Variants in ZFAT observed in about 807,000 individuals in gnomAD.
ZFAT encodes the protein zinc finger and AT-hook domain containing.
A neutral mutation model predicts 117.7 loss-of-function variants in ZFAT; 64 were observed. The ratio of observed to expected loss-of-function variants is 0.54; its 90% CI spans 0.44 to 0.67. The LOEUF is 0.67. Ranked by LOEUF, ZFAT falls within the 30% of genes least tolerant of loss-of-function variation. The pLI, the probability that ZFAT is intolerant of heterozygous loss-of-function variation, is 0.00. For synonymous variants in ZFAT, 679 were observed against 615.0 expected (o/e 1.10, Z -1.54); for missense variants, 1,433 against 1,584.5 (o/e 0.90, Z 1.62).
In ZFAT at chr8:134,478,341, G is replaced by A. The variant is rs1043358819; in HGVS notation, c.*141C>T. On this transcript the variant is annotated 3_prime_UTR_variant, in exon 16 of 16. Coordinates refer to ENST00000377838, the MANE Select transcript of ZFAT (RefSeq NM_020863.4). This position sits in a 1 kb window ranked among gnomAD's most constrained non-coding sequence, Gnocchi z 5.2. The stretch of plus-strand genomic sequence containing the variant: ...CCTTGCCCACCCCAAGTTGGACTAG[G>A]AGAGTCCTATCAGGCTGCTGGGCAG... 4 of 1,310,450 alleles carry A rather than the reference G, an allele frequency of 3.1e-6. 1 individual carries two copies. The highest frequency in any genetic ancestry group is 2.7e-4 in the Middle Eastern group (1 of 3,678). The allele number at this position is 1,310,450 out of a possible 1,614,324, so 81.2% of individuals were successfully genotyped here.
intron 7 of ZFAT, chr8:134,597,463 T>A (rs906900767): frequency 6.6e-6 from 1 of 152,246 alleles, no homozygotes. Flanking sequence ...CTGGCCCAAA[T>A]CTACTCATAA....
intron 13 of ZFAT, among the ~76,000 whole-genome samples, chr8:134,514,872 C>T (rs1184897609): frequency 6.6e-6 from 1 of 152,138 alleles, no homozygotes; most frequent in Admixed American, 6.5e-5. Flanking sequence ...AGGTTTGTTA[C>T]ATAAGTATAC....
chr8:134,831,920 G>C, the ZFAT span, among the ~76,000 whole-genome samples: 2 of 151,916 alleles, frequency 1.3e-5, no homozygotes. Flanking sequence ...GGGTCAGGCG[G>C]GGGGCTGAGC....
At chr8:134,485,333 A>G (rs7828867) in intron 15 of ZFAT, among the ~76,000 whole-genome samples, 74,097 of 151,990 alleles carry the variant, frequency 0.49, 18,468 homozygotes, top group Non-Finnish European at 0.52. Context: ...GGTCCACACA[A>G]TCTTCTTGAT....
Position 134,526,983 on chromosome 8 carries a change from A to C in ZFAT, c.3115+5851T>G, listed in dbSNP as rs113732960. 4.1e-3 allele frequency among the ~76,000 whole-genome samples: 618 copies of C among 152,222 alleles called. 4 individuals carry two copies. The highest frequency in any genetic ancestry group is 5.4e-3 in the Non-Finnish European group (364 of 68,010). ...AGAACATGTGAACATGTTACCTTAC[A>C]TGGCAAAAACGATGTGATTCAGTTC... is the stretch of plus-strand genomic sequence containing the variant. On this transcript the variant is annotated intron_variant, in intron 12 of 15. Coordinates refer to ENST00000377838, the MANE Select transcript of ZFAT (RefSeq NM_020863.4).
chr8:134,696,402 A>T (rs932998566), intron 1 of ZFAT: 2 of 985,472 alleles, frequency 2.0e-6, no homozygotes, highest in Non-Finnish European at 2.4e-6. Flanking sequence ...AGGAAAGTTC[A>T]GAGTGGAAAC....
chr8:134,522,091 C>T (rs1054037313), intron 12 of ZFAT, among the ~76,000 whole-genome samples: 10 of 152,254 alleles, frequency 6.6e-5, no homozygotes, highest in African/African-American at 2.2e-4. Context: ...TGCCAGAGAG[C>T]GTGTTCTTTC....
At chr8:134,777,360 A>G in the ZFAT span, among the ~76,000 whole-genome samples, 2 of 152,178 alleles carry the variant, frequency 1.3e-5, no homozygotes, top group East Asian at 3.9e-4. Context: ...TTCCTGTAAC[A>G]TACTTGACTC....
rs1554615159 is a variant in ZFAT, at chr8:134,653,270, T to TTAAAAAAAAAA, written c.196+4290_196+4291insTTTTTTTTTTA. On this transcript the variant is annotated intron_variant, in intron 2 of 15. Coordinates refer to ENST00000377838, the MANE Select transcript of ZFAT (RefSeq NM_020863.4). Reference sequence around the variant, plus strand: ...TTGGAACCAACCCAAATGTCTTTTTTAAAAAAAAAAAAAAAAAAAAACAAA... The same window carrying TTAAAAAAAAAA: ...TTGGAACCAACCCAAATGTCTTTTTTTAAAAAAAAAAAAAAAAAAAAAAAAAAAAAAACAAA... 2.2e-4 allele frequency among the ~76,000 whole-genome samples: 20 copies of TTAAAAAAAAAA among 91,882 alleles called. 1 individual carries two copies. Among genetic ancestry groups the TTAAAAAAAAAA allele is most frequent in the Non-Finnish European group, 3.6e-4 (17 of 47,874 alleles). The allele number at this position is 91,882 out of a possible 152,430, so 60.3% of individuals were successfully genotyped here.
rs535186645 is a variant in ZFAT at position 134,602,741 on chromosome 8, G to A, written c.978C>T (p.Phe326=). ...VHLRKHTGEK[F]ACDYCSFTCL... ...AGGTGAACGAGCAATAGTCGCAGGC[G>A]AACTTCTCTCCAGTGTGCTTGCGCA... Residue 326 remains phenylalanine, a synonymous_variant, in exon 6 of 16, where the codon TTC becomes TTT. Coordinates refer to ENST00000377838, the MANE Select transcript of ZFAT (RefSeq NM_020863.4). 2.3e-5 allele frequency: 37 copies of A among 1,613,746 alleles called. No individual in the cohort carries two copies. The South Asian group carries it at 2.5e-4, about 11-fold the overall frequency.
intron 1 of ZFAT, among the ~76,000 whole-genome samples, chr8:134,658,018 T>C (rs1004008586): frequency 2.0e-5 from 3 of 152,212 alleles, no homozygotes; most frequent in Non-Finnish European, 4.4e-5. Flanking sequence ...TCAGCCCAGA[T>C]TCTGGGATAA....
intron 9 of ZFAT, among the ~76,000 whole-genome samples, chr8:134,586,507 G>C (rs1411118978): frequency 6.6e-6 from 1 of 152,196 alleles, no homozygotes; most frequent in Non-Finnish European, 1.5e-5. Context: ...CTTCTCATGT[G>C]AGTACAATTA....
chr8:134,539,354 T>C (rs7816909), intron 11 of ZFAT, among the ~76,000 whole-genome samples: 1 of 152,114 alleles, frequency 6.6e-6, no homozygotes, highest in Non-Finnish European at 1.5e-5. Flanking sequence ...CATCAGGTAA[T>C]GTTTTTGCAG....
intron 11 of ZFAT, among the ~76,000 whole-genome samples, chr8:134,547,909 CAT>C (rs946777127): frequency 3.3e-5 from 5 of 152,152 alleles, no homozygotes; most frequent in African/African-American, 1.2e-4. Context: ...AGCACTTACA[CAT>C]GTTTTATCTT....
chr8:134,608,775 A>G lies in ZFAT; in HGVS notation c.739T>C (p.Tyr247His), dbSNP rs773246438. 6.2e-7 allele frequency: 1 copy of G among 1,610,888 alleles called. No individual in the cohort carries two copies. The highest frequency in any genetic ancestry group is 1.1e-5 in the South Asian group (1 of 90,266). The change falls in exon 5 of 16, where the codon TAC becomes CAC. Residue 247 changes from tyrosine (Y) to histidine (H), a missense_variant. Around this residue, in one of 5 missense-constraint regions of ZFAT, gnomAD observed 436 missense variants for 482.0 expected, o/e 0.90. Coordinates refer to ENST00000377838, the MANE Select transcript of ZFAT (RefSeq NM_020863.4). Reference protein sequence around the residue: ...DLVPRRGYQEYAIQQTPYEQP... With the variant: ...DLVPRRGYQEHAIQQTPYEQP... ...TCATAAGGTGTCTGCTGAATGGCGT[A>G]TTCCTGGTAGCCTCTCCGAGGCACC...
At chr8:134,620,482 G>C (rs896821938) in intron 3 of ZFAT, among the ~76,000 whole-genome samples, 1 of 152,320 alleles carries the variant, frequency 6.6e-6, no homozygotes, top group Middle Eastern at 3.4e-3. Flanking sequence ...CTATTGGCTT[G>C]TCAATGGTGT....
chr8:134,608,291 T>C (rs1269233727), intron 5 of ZFAT, among the ~76,000 whole-genome samples: 1 of 152,246 alleles, frequency 6.6e-6, no homozygotes, highest in Non-Finnish European at 1.5e-5. Context: ...TAGGTTACTT[T>C]AATGCCACAT....
chr8:134,565,596 A>G, intron 10 of ZFAT, 175 bp from the exon 11 acceptor site: 2 of 726,426 alleles, frequency 2.8e-6, no homozygotes, highest in South Asian at 3.0e-5. Flanking sequence ...TCAGTCTTCA[A>G]CAGGTGGGAG....
intron 10 of ZFAT, among the ~76,000 whole-genome samples, chr8:134,574,109 T>C (rs1362747507): frequency 6.6e-6 from 1 of 152,186 alleles, no homozygotes; most frequent in East Asian, 1.9e-4. Flanking sequence ...TCGCTTCCCG[T>C]TGACTCTCCA....
Sources: gnomAD v4.1 joint callset for allele counts (sites outside exome capture counted in the v4.1 genomes callset) on GRCh38, gnomAD v4.1.1 for gene constraint, gnomAD v4.1.1 regional missense constraint, Gnocchi (gnomAD v3.1) non-coding constraint, MANE v1.5 for transcripts, NCBI Gene and HGNC (gene_info 2026-07-23, HGNC 2026-07-21) for gene names.